CPB1: variants seen among roughly 807,000 people sequenced by gnomAD.
CPB1 encodes carboxypeptidase B1.
A neutral mutation model predicts 51.4 loss-of-function variants in CPB1; 53 were observed. The ratio of observed to expected loss-of-function variants is 1.03; its 90% CI spans 0.83 to 1.30. CPB1 has a LOEUF of 1.30. CPB1 is among the 50% of genes most tolerant of loss of function. The pLI, the probability that CPB1 is intolerant of heterozygous loss-of-function variation, is 0.00. For synonymous variants in CPB1, 189 were observed against 186.9 expected, an observed-to-expected ratio of 1.01 and a Z score of -0.09; for missense variants, 494 against 516.2, an observed-to-expected ratio of 0.96 and a Z score of 0.42.
intron 2 of CPB1, among the ~76,000 whole-genome samples, chr3:148,831,742 C>T (rs1239472810): frequency 6.6e-6 from 1 of 152,170 alleles, no homozygotes; most frequent in Admixed American, 6.5e-5. Flanking sequence ...CTTCAGTTTT[C>T]TAACTTCATA....
chr3:148,842,771 T>A (rs555043805), intron 6 of CPB1, among the ~76,000 whole-genome samples: 2 of 152,168 alleles, frequency 1.3e-5, no homozygotes, highest in South Asian at 4.1e-4. Flanking sequence ...AAGGGAAAAC[T>A]TAGAGTGGAT....
intron 2 of CPB1, among the ~76,000 whole-genome samples, chr3:148,830,017 C>T (rs1488147258): frequency 6.6e-6 from 1 of 152,176 alleles, no homozygotes; most frequent in Non-Finnish European, 1.5e-5. Context: ...TTAGTGCTCT[C>T]ATCCAAAACT....
intron 9 of CPB1, among the ~76,000 whole-genome samples, chr3:148,850,024 T>C (rs1713377999): frequency 6.6e-6 from 1 of 152,208 alleles, no homozygotes; most frequent in South Asian, 2.1e-4. Context: ...CATAATTACC[T>C]CTGCCTCTGG....
Position 148,828,062 on chromosome 3 carries a change from G to A in CPB1, c.132G>A (p.Leu44=). The change falls in exon 2 of 11, where the codon TTG becomes TTA. Residue 44 remains leucine, a synonymous_variant. Coordinates refer to ENST00000282957, the MANE Select transcript of CPB1 (RefSeq NM_001871.3). ...DENHINIIRE[L]ASTTQIDFWK... is the part of the protein sequence containing the mutation. ...ATCACATTAACATAATCCGCGAGTT[G>A]GCCAGCACGACCCAGGTAAGTAACA... is the stretch of plus-strand genomic sequence containing the variant. 1 of 1,613,698 alleles carries A rather than the reference G, an allele frequency of 6.2e-7. No individual in the cohort carries two copies. Among genetic ancestry groups the A allele is most frequent in the Non-Finnish European group, 8.5e-7 (1 of 1,179,748 alleles).
Position 148,852,122 on chromosome 3 carries a change from G to A in CPB1, c.982-5335G>A, listed in dbSNP as rs180922225. Among the ~76,000 whole-genome samples, 22 of 152,322 alleles carry A rather than the reference G, an allele frequency of 1.4e-4. No individual in the cohort carries two copies. The East Asian group carries it at 3.3e-3, about 23-fold the overall frequency. ...TTTTAGCAACAGTGACCTAGCAGAGGTGTTTAAAAGATAGCTGTAATGTCA... is the reference window on the plus strand; with the variant it reads ...TTTTAGCAACAGTGACCTAGCAGAGATGTTTAAAAGATAGCTGTAATGTCA... On this transcript the variant is annotated intron_variant, in intron 9 of 10. Transcript: ENST00000282957.
chr3:148,841,983 T>C, intron 6 of CPB1, 59 bp downstream of exon 6: 2 of 1,248,212 alleles, frequency 1.6e-6, no homozygotes, highest in African/African-American at 3.0e-5. Context: ...TTCAATTAAT[T>C]CCTTAAAACC....
Position 148,834,611 on chromosome 3 carries a change from A to C in CPB1, c.261A>C (p.Glu87Asp), listed in dbSNP as rs768073078. ...VTVENVLKQNELQYKVLISNL... is the reference protein window; with the variant it reads ...VTVENVLKQNDLQYKVLISNL... The stretch of plus-strand genomic sequence containing the variant: ...TGGAGAATGTTCTAAAGCAGAATGA[A>C]CTACAATACAAGTAAGTTTATGTTT... Residue 87 changes from glutamate (E) to aspartate (D), a missense_variant, in exon 3 of 11, where the codon GAA becomes GAC. By Grantham distance (45) the Glu-to-Asp change is conservative. Coordinates refer to ENST00000282957, the MANE Select transcript of CPB1 (RefSeq NM_001871.3). 3 of 1,608,480 alleles carry C rather than the reference A, an allele frequency of 1.9e-6. No individual in the cohort carries two copies. Among genetic ancestry groups the C allele is most frequent in the Non-Finnish European group, 2.6e-6 (3 of 1,175,360 alleles).
At chr3:148,859,251 A>G (rs1465061296) in intron 10 of CPB1, among the ~76,000 whole-genome samples, 1 of 152,254 alleles carries the variant, frequency 6.6e-6, no homozygotes, top group Non-Finnish European at 1.5e-5. Flanking sequence ...AGATGAGTGA[A>G]TAAATGAACA....
intron 2 of CPB1, among the ~76,000 whole-genome samples, chr3:148,829,907 G>T (rs1210015493): frequency 1.3e-5 from 2 of 152,070 alleles, no homozygotes; most frequent in Admixed American, 1.3e-4. Flanking sequence ...TGTTACCTAG[G>T]GGTAACTCTG....
intron 9 of CPB1, among the ~76,000 whole-genome samples, chr3:148,849,439 G>T (rs1003059604): frequency 2.0e-5 from 3 of 152,156 alleles, no homozygotes; most frequent in African/African-American, 2.4e-5. Flanking sequence ...TGAATTCTGT[G>T]ACCTTGTTAT....
At chr3:148,844,426 A>C (rs1380147816) in intron 6 of CPB1, 52 bp from the exon 7 acceptor site, 2 of 1,349,666 alleles carry the variant, frequency 1.5e-6, no homozygotes, top group African/African-American at 1.4e-5. Context: ...AAATTTTAAC[A>C]GCATCATAAT....
rs200998473 is a variant in CPB1, at chr3:148,842,772, T to TA, written c.576+849dup. 8.0e-3 allele frequency among the ~76,000 whole-genome samples: 1,219 copies of TA among 152,098 alleles called. 12 individuals carry two copies. Among genetic ancestry groups the TA allele is most frequent in the Non-Finnish European group, 0.013 (913 of 68,008 alleles). ...AAGTATTAATTATAAAGGGAAAACT[T>TA]AGAGTGGATAAACCTAGCAGAAGGA... On this transcript the variant is annotated intron_variant, in intron 6 of 10. Transcript: ENST00000282957.
At chr3:148,833,708 A>G (rs969285565) in intron 2 of CPB1, among the ~76,000 whole-genome samples, 3 of 151,722 alleles carry the variant, frequency 2.0e-5, no homozygotes, top group Non-Finnish European at 4.4e-5. Flanking sequence ...TTTCCACTGA[A>G]AGGTGTTACT....
chr3:148,859,124 T>C (rs940194294), intron 10 of CPB1, among the ~76,000 whole-genome samples: 6 of 152,206 alleles, frequency 3.9e-5, no homozygotes, highest in African/African-American at 1.4e-4. Context: ...TCTTTTTCCA[T>C]TACACTGTAA....
intron 5 of CPB1, 62 bp from the exon 6 acceptor site, chr3:148,841,761 A>G: frequency 7.5e-7 from 1 of 1,341,340 alleles, no homozygotes; most frequent in Non-Finnish European, 1.1e-6. Flanking sequence ...TGGGTAGTGG[A>G]GGTTAACCCC....
intron 2 of CPB1, among the ~76,000 whole-genome samples, chr3:148,833,017 G>C (rs1010053380): frequency 6.6e-6 from 1 of 152,168 alleles, no homozygotes; most frequent in Non-Finnish European, 1.5e-5. Context: ...TCAGAGCTAA[G>C]TTTCAAAAAT....
chr3:148,859,733 G>A, intron 10 of CPB1, 82 bp from the exon 11 acceptor site: 1 of 1,379,742 alleles, frequency 7.2e-7, no homozygotes, highest in Non-Finnish European at 9.9e-7. Flanking sequence ...TGAAACATTT[G>A]TAATGAAAAA....
At position 148,844,541 on chromosome 3, in the gene CPB1, G is replaced by A. The variant is rs1430023543; in HGVS notation, c.640G>A (p.Val214Ile). 1.2e-6 allele frequency: 2 copies of A among 1,613,942 alleles called. No homozygotes were observed. Among genetic ancestry groups the A allele is most frequent in the Non-Finnish European group, 1.7e-6 (2 of 1,179,866 alleles). The change falls in exon 7 of 11, where the codon GTC becomes ATC. Residue 214 changes from valine (V) to isoleucine (I), a missense_variant. By Grantham distance (29) the Val-to-Ile change is conservative (BLOSUM62 3). Coordinates refer to ENST00000282957, the MANE Select transcript of CPB1 (RefSeq NM_001871.3). Reference sequence around the variant, plus strand: ...GCTTCTCGACAAGTTAGACTTTTATGTCCTGCCTGTGCTCAATATTGATGG... The same window carrying A: ...GCTTCTCGACAAGTTAGACTTTTATATCCTGCCTGTGCTCAATATTGATGG... ...TELLDKLDFYVLPVLNIDGYI... is the reference protein window; with the variant it reads ...TELLDKLDFYILPVLNIDGYI...
chr3:148,846,797 G>GTGTATGTGTA (rs1364486523), intron 9 of CPB1, among the ~76,000 whole-genome samples: 2 of 50,540 alleles, frequency 4.0e-5, no homozygotes, highest in Non-Finnish European at 8.5e-5. Flanking sequence ...GTGTGCGTGT[G>GTGTATGTGTA]TATATATATA....
Sources: gnomAD v4.1 joint callset for allele counts (sites outside exome capture counted in the v4.1 genomes callset) on GRCh38, gnomAD v4.1.1 for gene constraint, MANE v1.5 for transcripts, NCBI Gene and HGNC (gene_info 2026-07-23, HGNC 2026-07-21) for gene names.